The following MIPEP variants were observed in gnomAD, a reference collection of about 807,000 sequenced individuals.
The protein encoded by MIPEP is mitochondrial intermediate peptidase.
Under a neutral mutation model 90.3 loss-of-function variants are expected in MIPEP, and 79 were observed. That is an observed-to-expected ratio of 0.87 (90% CI 0.73 to 1.05). The LOEUF is 1.05. Ranked by LOEUF, MIPEP falls within the 50% of genes least tolerant of loss-of-function variation. MIPEP has a pLI of 0.00. For missense variants in MIPEP, 940 were observed against 905.6 expected (o/e 1.04, Z -0.49); for synonymous variants, 334 against 315.8 (o/e 1.06, Z -0.61).
intron 16 of MIPEP, among the ~76,000 whole-genome samples, chr13:23,790,254 C>T (rs1238089871): frequency 1.3e-5 from 2 of 152,178 alleles, no homozygotes; most frequent in African/African-American, 2.4e-5. Context: ...CTAGCAGAAG[C>T]GTCCGTCCTT....
chr13:23,800,656 A>C lies in MIPEP; in HGVS notation c.1848+5294T>G, dbSNP rs1593161768. Among the ~76,000 whole-genome samples the C allele has an allele frequency of 3.3e-5, 5 of 152,358 alleles. No homozygotes were observed. In the East Asian group the frequency reaches 9.6e-4, roughly 29 times the overall value. On this transcript the variant is annotated intron_variant, in intron 16 of 18. Transcript: ENST00000382172. The stretch of plus-strand genomic sequence containing the variant: ...AATAAATTGCCGACACTAGAAGGCT[A>C]TTTATTGACTTGTAAAGAAAGCATC...
chr13:23,823,569 C>T (rs1384964197), intron 14 of MIPEP, among the ~76,000 whole-genome samples: 2 of 152,142 alleles, frequency 1.3e-5, no homozygotes, highest in Non-Finnish European at 1.5e-5. Flanking sequence ...TGGCTCACGC[C>T]TATAATCCCT....
At chr13:23,844,137 C>A in intron 10 of MIPEP, among the ~76,000 whole-genome samples, 1 of 151,214 alleles carries the variant, frequency 6.6e-6, no homozygotes, top group Admixed American at 6.6e-5. Flanking sequence ...GATATTAGAG[C>A]CATAGAGGGA....
chr13:23,834,904 A>G (rs1176107195), intron 14 of MIPEP, among the ~76,000 whole-genome samples: 1 of 152,128 alleles, frequency 6.6e-6, no homozygotes. Flanking sequence ...TTCCCAGAAC[A>G]ATTCTTTGTA....
intron 2 of MIPEP, among the ~76,000 whole-genome samples, chr13:23,883,725 C>T (rs1871356146): frequency 6.6e-6 from 1 of 152,198 alleles, no homozygotes; most frequent in African/African-American, 2.4e-5. Context: ...ACAGATCCCC[C>T]AATCTGGAGG....
intron 18 of MIPEP, among the ~76,000 whole-genome samples, chr13:23,751,671 T>C (rs1203123767): frequency 6.6e-6 from 1 of 152,022 alleles, no homozygotes; most frequent in African/African-American, 2.4e-5. Flanking sequence ...TGCGGAAGAG[T>C]TGAAGAAAGA....
intron 17 of MIPEP, among the ~76,000 whole-genome samples, chr13:23,759,504 C>T (rs1952517991): frequency 6.6e-6 from 1 of 151,660 alleles, no homozygotes; most frequent in Non-Finnish European, 1.5e-5. Flanking sequence ...CCACACCCCC[C>T]TAGACAGCAC....
intron 17 of MIPEP, among the ~76,000 whole-genome samples, chr13:23,758,100 C>T (rs1430389511): frequency 1.3e-5 from 2 of 152,180 alleles, no homozygotes; most frequent in Admixed American, 6.5e-5. Context: ...CTAAGCGAAG[C>T]AGGAAGCCTG....
rs537985967 is a variant in MIPEP, at chr13:23,730,410, C to T, written c.2080G>A (p.Val694Ile). 20 of 1,612,632 alleles carry T rather than the reference C, an allele frequency of 1.2e-5. No homozygotes were observed. Among genetic ancestry groups the T allele is most frequent in the East Asian group, 1.1e-4 (5 of 44,738 alleles). The change falls in exon 19 of 19, where the codon GTA (valine) becomes ATA (isoleucine). Residue 694 changes from valine (V) to isoleucine (I), a missense_variant. Physicochemically the swap from Val to Ile is conservative, Grantham distance 29. Transcript: ENST00000382172. ...LQKCPSVDDFVSALVSDLDLD... is the reference protein window; with the variant it reads ...LQKCPSVDDFISALVSDLDLD... ...TCCAAGTCGGAAACGAGGGCACTTA[C>T]GAAGTCATCAACAGAAGGACACTTC...
At chr13:23,787,405 GGAGA>G (rs59011010) in intron 16 of MIPEP, among the ~76,000 whole-genome samples, 23,146 of 136,752 alleles carry the variant, frequency 0.17, 1,937 homozygotes, top group South Asian at 0.23. Context: ...ACGGGGAGAG[GGAGA>G]GAGAGAGAGA....
chr13:23,847,480 A>AC (rs1555239483), intron 10 of MIPEP, among the ~76,000 whole-genome samples: 2 of 149,476 alleles, frequency 1.3e-5, no homozygotes, highest in South Asian at 2.1e-4. Context: ...AAAAAAAAAA[A>AC]CCCAAACAGA....
At chr13:23,756,691 G>T in intron 17 of MIPEP, 73 bp from the exon 18 acceptor site, 6 of 1,447,216 alleles carry the variant, frequency 4.1e-6, no homozygotes, top group Non-Finnish European at 5.8e-6. Flanking sequence ...AATTCTCAAA[G>T]AAAGCCACAC....
At chr13:23,885,574 T>C (rs1871440381) in intron 2 of MIPEP, among the ~76,000 whole-genome samples, 1 of 151,656 alleles carries the variant, frequency 6.6e-6, no homozygotes, top group South Asian at 2.1e-4. Flanking sequence ...TATATACATG[T>C]ACCCACAAAA....
chr13:23,865,588 G>A (rs886151762), intron 7 of MIPEP, among the ~76,000 whole-genome samples: 7 of 151,896 alleles, frequency 4.6e-5, no homozygotes, highest in Non-Finnish European at 7.4e-5. Flanking sequence ...GCTTGTATAC[G>A]TTTTATTTCT....
chr13:23,769,777 T>C (rs1363328963), intron 16 of MIPEP, among the ~76,000 whole-genome samples: 4 of 152,176 alleles, frequency 2.6e-5, no homozygotes, highest in Non-Finnish European at 5.9e-5. Flanking sequence ...CTTCCAAAAC[T>C]CATGTTGAAA....
chr13:23,825,530 G>C (rs963664601), intron 14 of MIPEP, among the ~76,000 whole-genome samples: 7 of 152,202 alleles, frequency 4.6e-5, no homozygotes, highest in African/African-American at 1.7e-4. Context: ...AACACTTAAA[G>C]TAGATATGGG....
Position 23,889,167 on chromosome 13 carries a change from GGGGCTTGACATTGAA to G in MIPEP, c.139_153del (p.Phe47_Pro51del). On this transcript the variant is annotated inframe_deletion, in exon 1 of 19. Transcript: ENST00000382172. ...CCGAACAGGTCCAAGCGGCTGCCCTGGGGCTTGACATTGAAGGCGGCGCCCACGGGAGACCAGCTG... is the reference window on the plus strand; with the variant it reads ...CCGAACAGGTCCAAGCGGCTGCCCTGGGCGGCGCCCACGGGAGACCAGCTG... 1 of 1,466,618 alleles carries G rather than the reference GGGGCTTGACATTGAA, an allele frequency of 6.8e-7. No homozygotes were observed. Among genetic ancestry groups the G allele is most frequent in the Non-Finnish European group, 9.0e-7 (1 of 1,110,800 alleles). 90.9% of individuals were successfully genotyped at this position (1,466,618 alleles called of 1,614,324 possible).
chr13:23,847,789 G>A lies in MIPEP; in HGVS notation c.1107-6301C>T, dbSNP rs149649767. On this transcript the variant is annotated intron_variant, in intron 10 of 18. Coordinates refer to ENST00000382172, the MANE Select transcript of MIPEP (RefSeq NM_005932.4). ...GGTTTGAAGCTAATACAAAGGAAGA[G>A]ATGGTGATTGTGATAAAGTTAGAAT... is the stretch of plus-strand genomic sequence containing the variant. 2.6e-5 allele frequency among the ~76,000 whole-genome samples: 4 copies of A among 152,326 alleles called. No homozygotes were observed. In the East Asian group the frequency reaches 7.7e-4, roughly 29 times the overall value.
At chr13:23,870,224 AAAGG>A in intron 5 of MIPEP, 29 bp from the exon 6 acceptor site, 1 of 1,444,282 alleles carries the variant, frequency 6.9e-7, no homozygotes, top group African/African-American at 1.4e-5. Flanking sequence ...AAAGTTATTT[AAAGG>A]CGTTTTGAAT....
Sources: gnomAD v4.1 joint callset for allele counts (sites outside exome capture counted in the v4.1 genomes callset) on GRCh38, gnomAD v4.1.1 for gene constraint, MANE v1.5 for transcripts, NCBI Gene and HGNC (gene_info 2026-07-23, HGNC 2026-07-21) for gene names.